Variants in ARHGAP6 observed in about 807,000 individuals in gnomAD.
ARHGAP6 encodes rho GTPase-activating protein 6.
ARHGAP6 carries 16 observed loss-of-function variants against 55.7 expected under a neutral mutation model. The observed-to-expected ratio is 0.29, with a 90% CI of 0.19 to 0.44. The LOEUF (loss-of-function observed/expected upper bound fraction) is 0.44. Among genes scored for constraint, ARHGAP6 ranks in the 20% least tolerant of loss-of-function variants. The pLI is 1.00. For synonymous variants in ARHGAP6, 382 were observed against 360.9 expected (o/e 1.06, Z -0.66); for missense variants, 698 against 808.9 (o/e 0.86, Z 1.66).
intron 2 of ARHGAP6, among the ~76,000 whole-genome samples, chrX:11,212,563 G>T (rs988799889): frequency 1.8e-5 from 2 of 112,228 alleles, no homozygotes; most frequent in African/African-American, 6.5e-5. Flanking sequence ...CATCACTAGA[G>T]CCCCTGCAGA....
At chrX:11,231,354 C>T (rs140756306) in intron 2 of ARHGAP6, among the ~76,000 whole-genome samples, 2,333 of 112,120 alleles carry the variant, frequency 0.021, 65 homozygotes, top group African/African-American at 0.073. Flanking sequence ...AAAGTAAAAG[C>T]ACTAAATATA....
intron 1 of ARHGAP6, among the ~76,000 whole-genome samples, chrX:11,407,415 GT>G (rs1167419217): frequency 8.9e-6 from 1 of 112,120 alleles, no homozygotes; most frequent in Admixed American, 9.4e-5. Context: ...GGATTCTTGG[GT>G]TTTTTCCACT....
At chrX:11,272,939 T>C (rs999338014) in intron 1 of ARHGAP6, among the ~76,000 whole-genome samples, 1 of 112,207 alleles carries the variant, frequency 8.9e-6, no homozygotes, top group South Asian at 3.7e-4. Flanking sequence ...AAGTTCAGCA[T>C]ATAACTAGCC....
rs1263442539 is a variant in ARHGAP6 at position 11,460,905 on chromosome X, G to A, written c.588+203336C>T. Among the ~76,000 whole-genome samples the A allele has an allele frequency of 2.7e-5, 3 of 111,975 alleles. No homozygotes were observed. The East Asian group carries it at 8.4e-4, about 31-fold the overall frequency. Reference sequence around the variant, plus strand: ...ATGAGCTTATTTATTAGTCAGGTAAGGTTATGCTGGGGTAACAAATTAACC... The same window carrying A: ...ATGAGCTTATTTATTAGTCAGGTAAAGTTATGCTGGGGTAACAAATTAACC... On this transcript the variant is annotated intron_variant, in intron 1 of 12. Coordinates refer to ENST00000337414, the MANE Select transcript of ARHGAP6 (RefSeq NM_013427.3).
intron 1 of ARHGAP6, among the ~76,000 whole-genome samples, chrX:11,514,973 T>C (rs2050823494): frequency 9.0e-6 from 1 of 111,324 alleles, no homozygotes. Flanking sequence ...TAAATTCTCA[T>C]AGCCATATGG....
chrX:11,199,427 A>T (rs1169120530), intron 2 of ARHGAP6, among the ~76,000 whole-genome samples: 1 of 111,639 alleles, frequency 9.0e-6, no homozygotes, highest in African/African-American at 3.3e-5. Context: ...GTCACCCAGC[A>T]ATGTGTGTTT....
chrX:11,477,373 T>C (rs757114278), intron 1 of ARHGAP6, among the ~76,000 whole-genome samples: 5 of 111,596 alleles, frequency 4.5e-5, no homozygotes, highest in Non-Finnish European at 9.5e-5. Flanking sequence ...GGTAAGAATA[T>C]GGAACAATTG....
intron 1 of ARHGAP6, among the ~76,000 whole-genome samples, chrX:11,445,870 G>C (rs1372440528): frequency 1.8e-5 from 2 of 110,971 alleles, no homozygotes; most frequent in Admixed American, 1.9e-4. Flanking sequence ...GCCAGCAGAA[G>C]CTAGAGAAAT....
At chrX:11,185,541 A>G (rs1282292651) in intron 5 of ARHGAP6, among the ~76,000 whole-genome samples, 1 of 112,231 alleles carries the variant, frequency 8.9e-6, no homozygotes, top group Non-Finnish European at 1.9e-5. Context: ...AAAAAAAGTA[A>G]TTAAGCTTTT....
chrX:11,253,655 A>G (rs1385748161), intron 2 of ARHGAP6, among the ~76,000 whole-genome samples: 1 of 112,078 alleles, frequency 8.9e-6, no homozygotes, highest in African/African-American at 3.2e-5. Context: ...TAATCCCAGC[A>G]CAGCACTTTG....
At chrX:11,398,018 T>TA (rs1204535437) in intron 1 of ARHGAP6, among the ~76,000 whole-genome samples, 3 of 111,682 alleles carry the variant, frequency 2.7e-5, no homozygotes, top group Non-Finnish European at 1.9e-5. Context: ...TTCTTTGAGA[T>TA]AAAGACTAGA....
intron 2 of ARHGAP6, among the ~76,000 whole-genome samples, chrX:11,234,225 C>T (rs748871156): frequency 8.9e-6 from 1 of 112,170 alleles, no homozygotes; most frequent in Non-Finnish European, 1.9e-5. Flanking sequence ...TGCGTGGGGT[C>T]ACCTGTTTCA....
intron 1 of ARHGAP6, chrX:11,299,046 A>C: frequency 9.0e-7 from 1 of 1,108,398 alleles, no homozygotes; most frequent in Middle Eastern, 2.5e-4. Flanking sequence ...CCAGAGTTCT[A>C]AGGTCTCCGA....
chrX:11,411,752 A>G (rs1390693552), intron 1 of ARHGAP6, among the ~76,000 whole-genome samples: 1 of 112,030 alleles, frequency 8.9e-6, no homozygotes, highest in Non-Finnish European at 1.9e-5. Flanking sequence ...TATAATATTG[A>G]TTTTAATCCT....
intron 1 of ARHGAP6, among the ~76,000 whole-genome samples, chrX:11,484,953 T>C (rs186332311): frequency 9.2e-4 from 103 of 111,460 alleles, no homozygotes; most frequent in Non-Finnish European, 2.5e-4. Context: ...TGTGCCTAAG[T>C]CCTTAGCCCC....
intron 1 of ARHGAP6, among the ~76,000 whole-genome samples, chrX:11,466,780 A>G (rs1298801877): frequency 1.8e-5 from 2 of 111,949 alleles, no homozygotes; most frequent in Non-Finnish European, 3.8e-5. Flanking sequence ...CTGATATTAC[A>G]GGCATGAGCC....
chrX:11,354,293 C>T (rs866911926), intron 1 of ARHGAP6, among the ~76,000 whole-genome samples: 9 of 64,351 alleles, frequency 1.4e-4, no homozygotes, highest in African/African-American at 4.7e-4. Flanking sequence ...CTCTCTCTCT[C>T]TTTCTCTCTC....
intron 1 of ARHGAP6, among the ~76,000 whole-genome samples, chrX:11,286,648 T>C (rs2047925237): frequency 8.9e-6 from 1 of 111,792 alleles, no homozygotes; most frequent in African/African-American, 3.3e-5. Context: ...GGAGACACTT[T>C]TGGTTAGTCA....
intron 1 of ARHGAP6, among the ~76,000 whole-genome samples, chrX:11,376,993 C>T (rs570829089): frequency 8.9e-6 from 1 of 111,823 alleles, no homozygotes; most frequent in African/African-American, 3.3e-5. Context: ...ATCTAATAAA[C>T]TCAAGAGCAC....
Sources: gnomAD v4.1 joint callset for allele counts (sites outside exome capture counted in the v4.1 genomes callset) on GRCh38, gnomAD v4.1.1 for gene constraint, MANE v1.5 for transcripts, NCBI Gene and HGNC (gene_info 2026-07-23, HGNC 2026-07-21) for gene names.